The following AGBL1 variants were observed in gnomAD, a reference collection of about 807,000 sequenced individuals.
The protein encoded by AGBL1 is cytosolic carboxypeptidase 4.
Under a neutral mutation model 118.9 loss-of-function variants are expected in AGBL1, and 130 were observed. That is an observed-to-expected ratio of 1.09 (90% confidence interval 0.95 to 1.26). AGBL1 has a LOEUF of 1.26. AGBL1 is among the 50% of genes most tolerant of loss of function. The pLI is 0.00. For synonymous variants in AGBL1, 555 were observed against 478.9 expected (o/e 1.16, Z -2.08); for missense variants, 1,584 against 1,298.1 (o/e 1.22, Z -3.38).
chr15:86,676,967 G>A (rs1284768745), intron 22 of AGBL1, among the ~76,000 whole-genome samples: 1 of 152,112 alleles, frequency 6.6e-6, no homozygotes, highest in African/African-American at 2.4e-5. Flanking sequence ...AGTGAGCCAA[G>A]ATCATGGCAC....
chr15:87,009,192 C>G (rs2081533931), intron 24 of AGBL1, among the ~76,000 whole-genome samples: 1 of 152,088 alleles, frequency 6.6e-6, no homozygotes, highest in Non-Finnish European at 1.5e-5. Flanking sequence ...GTTTCATGGG[C>G]TCAGTACAGG....
chr15:86,103,696 G>C (rs185009726), intron 1 of AGBL1, among the ~76,000 whole-genome samples: 15 of 152,316 alleles, frequency 9.8e-5, no homozygotes, highest in Admixed American at 9.2e-4. Flanking sequence ...GTTTTGCTGG[G>C]GATGAAAACA....
intron 24 of AGBL1, among the ~76,000 whole-genome samples, chr15:87,024,126 C>T (rs982091044): frequency 1.3e-5 from 2 of 151,628 alleles, no homozygotes; most frequent in South Asian, 4.2e-4. Context: ...AAGGAAATAA[C>T]CAATATCAGA....
intron 6 of AGBL1, among the ~76,000 whole-genome samples, chr15:86,228,485 C>A (rs866883043): frequency 2.0e-5 from 3 of 152,106 alleles, no homozygotes. Context: ...AGTAAAGACC[C>A]ACTACTCTGC....
intron 24 of AGBL1, among the ~76,000 whole-genome samples, chr15:87,011,216 A>G (rs1453703997): frequency 1.3e-5 from 2 of 152,122 alleles, no homozygotes; most frequent in Non-Finnish European, 2.9e-5. Context: ...GACAACCCCT[A>G]ACTGTGTATT....
chr15:86,364,166 C>G (rs994654254), intron 17 of AGBL1, among the ~76,000 whole-genome samples: 3 of 152,094 alleles, frequency 2.0e-5, no homozygotes, highest in East Asian at 3.9e-4. Context: ...CTTAGCTTCC[C>G]TTACTGAAAA....
At chr15:86,692,917 G>T (rs2086197187) in intron 22 of AGBL1, among the ~76,000 whole-genome samples, 1 of 152,070 alleles carries the variant, frequency 6.6e-6, no homozygotes, top group Non-Finnish European at 1.5e-5. Context: ...TTCCATCTAG[G>T]TTGCTGTGAA....
intron 21 of AGBL1, among the ~76,000 whole-genome samples, chr15:86,655,120 C>T (rs1023200826): frequency 5.9e-5 from 9 of 152,156 alleles, no homozygotes. Flanking sequence ...CCAGATGCAT[C>T]TGGTGGGACA....
At chr15:86,759,769 A>G (rs2077997931) in intron 22 of AGBL1, among the ~76,000 whole-genome samples, 1 of 152,144 alleles carries the variant, frequency 6.6e-6, no homozygotes, top group South Asian at 2.1e-4. Flanking sequence ...TGATGACTCT[A>G]CATTCTTCTC....
intron 24 of AGBL1, among the ~76,000 whole-genome samples, chr15:86,999,577 T>G (rs974164977): frequency 7.4e-5 from 11 of 149,222 alleles, no homozygotes; most frequent in African/African-American, 2.8e-4. Flanking sequence ...TATGGCTGCA[T>G]AGTATTCCAT....
intron 23 of AGBL1, among the ~76,000 whole-genome samples, chr15:86,945,329 A>G (rs1407908225): frequency 1.3e-5 from 2 of 152,044 alleles, no homozygotes; most frequent in African/African-American, 2.4e-5. Flanking sequence ...TAGAGAAAAA[A>G]AGTTTACAGA....
intron 18 of AGBL1, among the ~76,000 whole-genome samples, chr15:86,433,586 G>C (rs532393509): frequency 6.6e-6 from 1 of 152,210 alleles, no homozygotes; most frequent in South Asian, 2.1e-4. Flanking sequence ...AAGTGTGTCA[G>C]GGTCTCTACT....
chr15:86,317,687 G>C (rs1450196580), intron 17 of AGBL1, among the ~76,000 whole-genome samples: 4 of 152,192 alleles, frequency 2.6e-5, no homozygotes, highest in Admixed American at 2.6e-4. Context: ...TCTGTAAAGG[G>C]CCAGATAGTA....
chr15:86,547,954 C>A (rs1006217658), intron 20 of AGBL1, among the ~76,000 whole-genome samples: 3 of 152,060 alleles, frequency 2.0e-5, no homozygotes, highest in African/African-American at 7.2e-5. Flanking sequence ...TTTTTGGGGT[C>A]CCACATAGTA....
chr15:86,711,841 T>C (rs2086564710), intron 22 of AGBL1, among the ~76,000 whole-genome samples: 2 of 152,210 alleles, frequency 1.3e-5, no homozygotes, highest in Non-Finnish European at 2.9e-5. Flanking sequence ...GATTGTCCAC[T>C]CTTGATTCAG....
intron 22 of AGBL1, among the ~76,000 whole-genome samples, chr15:86,836,649 C>T (rs2079174975): frequency 6.6e-6 from 1 of 152,056 alleles, no homozygotes; most frequent in Non-Finnish European, 1.5e-5. Context: ...TATCCTGGTC[C>T]CAGTGACCTA....
chr15:86,870,413 G>C (rs1323059385), intron 22 of AGBL1, among the ~76,000 whole-genome samples: 1 of 114,202 alleles, frequency 8.8e-6, no homozygotes. Flanking sequence ...AGAATCCATA[G>C]CCTGCATCCA....
At chr15:86,798,713 C>T (rs1261186067) in intron 22 of AGBL1, among the ~76,000 whole-genome samples, 4 of 149,514 alleles carry the variant, frequency 2.7e-5, no homozygotes, top group African/African-American at 1.0e-4. Context: ...CTGGGTAGTA[C>T]GTCTGGATAT....
chr15:86,724,316 A>C (rs1208552802), intron 22 of AGBL1, among the ~76,000 whole-genome samples: 2 of 151,628 alleles, frequency 1.3e-5, no homozygotes, highest in African/African-American at 4.8e-5. Flanking sequence ...AACATCGGCA[A>C]TAAGGAAACC....
Sources: allele counts gnomAD v4.1 joint callset (sites outside exome capture counted in the v4.1 genomes callset), GRCh38; gene constraint gnomAD v4.1.1; transcripts MANE v1.5; gene names NCBI Gene and HGNC (gene_info 2026-07-23, HGNC 2026-07-21).